Variants in MYOCOS observed in about 807,000 individuals in gnomAD.
MYOCOS encodes myocilin opposite strand.
chr1:171,618,445 G>A (rs1256576877), upstream of MYOCOS, among the ~76,000 whole-genome samples: 1 of 152,208 alleles, frequency 6.6e-6, no homozygotes, highest in South Asian at 2.1e-4. Context: ...TGCTGTTGTG[G>A]GGATGACAAG....
At chr1:171,625,394 T>G (rs1181454843) in intron 2 of MYOCOS, among the ~76,000 whole-genome samples, 1 of 152,230 alleles carries the variant, frequency 6.6e-6, no homozygotes, top group African/African-American at 2.4e-5. Context: ...ATTCCAGTTC[T>G]GCCTTCTACT....
At chr1:171,612,630 A>G (rs1049276321) in intron 1 of MYOCOS, among the ~76,000 whole-genome samples, 7 of 152,024 alleles carry the variant, frequency 4.6e-5, no homozygotes, top group African/African-American at 1.7e-4. Context: ...GTTCGAGACC[A>G]GCCTGACCAA....
chr1:171,625,284 C>T (rs964385729), intron 2 of MYOCOS, among the ~76,000 whole-genome samples: 4 of 152,180 alleles, frequency 2.6e-5, no homozygotes, highest in Admixed American at 1.3e-4. Flanking sequence ...CCAAACAATT[C>T]CCTTCCCATC....
At chr1:171,604,534 A>G (rs573044421) in intron 1 of MYOCOS, among the ~76,000 whole-genome samples, 1 of 152,340 alleles carries the variant, frequency 6.6e-6, no homozygotes, top group African/African-American at 2.4e-5. Context: ...TGAACCTCCC[A>G]TGATCACAGT....
upstream of MYOCOS, among the ~76,000 whole-genome samples, chr1:171,619,830 C>CA (rs557972701): frequency 3.3e-3 from 318 of 96,142 alleles, no homozygotes; most frequent in South Asian, 0.019. Flanking sequence ...GACTCCATCT[C>CA]AAAAAAAAAA....
chr1:171,610,448 T>G (rs983825840), intron 1 of MYOCOS, among the ~76,000 whole-genome samples: 1 of 152,230 alleles, frequency 6.6e-6, no homozygotes, highest in African/African-American at 2.4e-5. Flanking sequence ...ACTGGATAAT[T>G]TATAAAGAAA....
chr1:171,611,081 C>A (rs1652343801), intron 1 of MYOCOS, among the ~76,000 whole-genome samples: 2 of 152,216 alleles, frequency 1.3e-5, no homozygotes, highest in Non-Finnish European at 2.9e-5. Flanking sequence ...CCTGAAACTG[C>A]CCACTGGGAC....
upstream of MYOCOS, among the ~76,000 whole-genome samples, chr1:171,621,655 A>G (rs772986853): frequency 1.3e-4 from 20 of 152,190 alleles, no homozygotes; most frequent in South Asian, 4.1e-4. Context: ...GATTGCAGGC[A>G]TGAGCCACCG....
chr1:171,617,611 A>C (rs1450770202), upstream of MYOCOS, among the ~76,000 whole-genome samples: 1 of 152,192 alleles, frequency 6.6e-6, no homozygotes, highest in Non-Finnish European at 1.5e-5. Flanking sequence ...GATACGAGAC[A>C]TGTTTTTTAA....
intron 1 of MYOCOS, among the ~76,000 whole-genome samples, chr1:171,612,006 C>G (rs1238579372): frequency 6.6e-6 from 1 of 152,124 alleles, no homozygotes; most frequent in Non-Finnish European, 1.5e-5. Flanking sequence ...TTGTAGGGGC[C>G]AGAGAAATAA....
In MYOCOS at chr1:171,604,682, G is replaced by A. The variant is rs150414685; in HGVS notation, c.-252+3602G>A. On this transcript the variant is annotated intron_variant, in intron 1 of 3. Transcript: ENST00000636697. The stretch of plus-strand genomic sequence containing the variant: ...GCCACTATTAATAATAAACAGCATA[G>A]GATAGGATGCGGTTCTCTAGATTAG... Among the ~76,000 whole-genome samples, 382 of 152,256 alleles carry A rather than the reference G, an allele frequency of 2.5e-3. 1 individual carries two copies. Among genetic ancestry groups the A allele is most frequent in the African/African-American group, 8.0e-3 (331 of 41,540 alleles).
intron 1 of MYOCOS, among the ~76,000 whole-genome samples, chr1:171,613,410 C>T (rs1652387485): frequency 6.6e-6 from 1 of 152,198 alleles, no homozygotes; most frequent in South Asian, 2.1e-4. Context: ...ACCATTTCTG[C>T]AGGCCTGGAG....
intron 2 of MYOCOS, among the ~76,000 whole-genome samples, chr1:171,615,257 C>T (rs780765000): frequency 1.8e-4 from 27 of 152,118 alleles, no homozygotes; most frequent in Non-Finnish European, 3.7e-4. Flanking sequence ...CCAAAGATAA[C>T]GGTGAGTTGG....
chr1:171,606,195 G>A (rs998343370), intron 1 of MYOCOS, among the ~76,000 whole-genome samples: 1 of 152,114 alleles, frequency 6.6e-6, no homozygotes, highest in Non-Finnish European at 1.5e-5. Flanking sequence ...TTCTTTAAAT[G>A]ATAAAAAAGC....
At chr1:171,622,093 GT>G (rs1652587307), upstream of MYOCOS, 1 of 152,192 alleles carries the variant, frequency 6.6e-6, no homozygotes, top group Admixed American at 6.5e-5. Context: ...AAGAAGTGCT[GT>G]GAATTATCAG....
upstream of MYOCOS, among the ~76,000 whole-genome samples, chr1:171,621,610 C>T (rs1296064577): frequency 1.3e-5 from 2 of 152,030 alleles, no homozygotes; most frequent in East Asian, 3.9e-4. Flanking sequence ...CTCCTGACCT[C>T]GTGATCCGCC....
chr1:171,607,332 T>C (rs1363826572), intron 1 of MYOCOS, among the ~76,000 whole-genome samples: 4 of 152,226 alleles, frequency 2.6e-5, no homozygotes, highest in East Asian at 1.9e-4. Flanking sequence ...TCTGTACTTA[T>C]CAGAAAGCTG....
At chr1:171,604,147 A>G (rs1407402601) in intron 1 of MYOCOS, 1 of 151,960 alleles carries the variant, frequency 6.6e-6, no homozygotes, top group East Asian at 1.9e-4. Context: ...GTAGACTAGG[A>G]GCTGTACGTG....
At chr1:171,618,932 A>C (rs528628684), upstream of MYOCOS, among the ~76,000 whole-genome samples, 2 of 152,236 alleles carry the variant, frequency 1.3e-5, no homozygotes, top group South Asian at 4.1e-4. Flanking sequence ...GTATCTTTTG[A>C]CATGAGTATC....
Sources: allele counts gnomAD v4.1 joint callset (sites outside exome capture counted in the v4.1 genomes callset), GRCh38; gene constraint gnomAD v4.1.1; transcripts MANE v1.5; gene names NCBI Gene and HGNC (gene_info 2026-07-23, HGNC 2026-07-21).